Variants in TRIP12 observed in about 807,000 individuals in gnomAD.
The protein encoded by TRIP12 is E3 ubiquitin-protein ligase TRIP12.
TRIP12 carries 25 observed loss-of-function variants against 244.2 expected under a neutral mutation model. The ratio of observed to expected loss-of-function variants is 0.10; its 90% CI spans 0.07 to 0.14. The LOEUF (loss-of-function observed/expected upper bound fraction) is 0.14, where lower values mean the gene tolerates loss of function less well. TRIP12 is among the 10% of genes least tolerant of loss of function. The pLI is 1.00. For missense variants in TRIP12, 1,677 were observed against 2,486.4 expected (o/e 0.67, Z 6.92); for synonymous variants, 905 against 873.1 (o/e 1.04, Z -0.64).
At chr2:229,833,640 G>A (rs576428287) in intron 6 of TRIP12, among the ~76,000 whole-genome samples, 1 of 152,236 alleles carries the variant, frequency 6.6e-6, no homozygotes, top group African/African-American at 2.4e-5. Context: ...GAAACTAATT[G>A]TGAAGAAAAG....
At position 229,860,484 on chromosome 2, in the gene TRIP12, C is replaced by T. The variant is rs1256097319; in HGVS notation, c.146G>A (p.Ser49Asn). The change falls in exon 3 of 42, where the codon AGT becomes AAT. Residue 49 changes from serine to asparagine, a missense_variant. Coordinates refer to ENST00000675903, the MANE Select transcript of TRIP12 (RefSeq NM_001348323.3). ...AKHKGYSPPESRKSNSKAPKV... is the reference protein window; with the variant it reads ...AKHKGYSPPENRKSNSKAPKV... ...GGGTGCCTTAGAATTAGATTTTCTA[C>T]TCTCAGGAGGGCTATATCCCTTATG... is the stretch of plus-strand genomic sequence containing the variant. The T allele has an allele frequency of 6.2e-7, 1 of 1,612,060 alleles. No individual in the cohort carries two copies. The highest frequency in any genetic ancestry group is 1.7e-5 in the Admixed American group (1 of 59,980).
Position 229,814,245 on chromosome 2 carries a change from G to C in TRIP12, c.1812C>G (p.Ala604=), listed in dbSNP as rs2047965904. The C allele has an allele frequency of 3.1e-6, 5 of 1,614,114 alleles. No homozygotes were observed. The highest frequency in any genetic ancestry group is 4.2e-6 in the Non-Finnish European group (5 of 1,179,988). Reference sequence around the variant, plus strand: ...TAACAACACTTACCGCCTGTAGAATGGCTTTACTATGTCTCCGTGACAACA... The same window carrying C: ...TAACAACACTTACCGCCTGTAGAATCGCTTTACTATGTCTCCGTGACAACA... ...LEMLSRRHSK[A]ILQAGGLADC... Residue 604 remains alanine (A), a synonymous_variant, in exon 12 of 42, where the codon GCC becomes GCG. Coordinates refer to ENST00000675903, the MANE Select transcript of TRIP12 (RefSeq NM_001348323.3).
chr2:229,851,345 T>C (rs2058667597), intron 4 of TRIP12, among the ~76,000 whole-genome samples: 1 of 152,094 alleles, frequency 6.6e-6, no homozygotes, highest in South Asian at 2.1e-4. Context: ...GGTGGAGCCT[T>C]GGAGAACCTT....
At chr2:229,914,910 A>G (rs1404682990) in intron 1 of TRIP12, among the ~76,000 whole-genome samples, 1 of 152,170 alleles carries the variant, frequency 6.6e-6, no homozygotes, top group Non-Finnish European at 1.5e-5. Flanking sequence ...AATAAACTAC[A>G]ATGATGTATA....
At position 229,814,253 on chromosome 2, in the gene TRIP12, T is replaced by C; in HGVS notation, c.1804A>G (p.Ser602Gly). The C allele has an allele frequency of 6.2e-7, 1 of 1,614,158 alleles. No homozygotes were observed. Among genetic ancestry groups the C allele is most frequent in the South Asian group, 1.1e-5 (1 of 91,084 alleles). The change falls in exon 12 of 42, where the codon AGT (serine) becomes GGT (glycine). Residue 602 changes from serine to glycine, a missense_variant. Around this residue, in one of 11 missense-constraint regions of TRIP12, gnomAD observed 572 missense variants for 867.8 expected, o/e 0.66. Transcript: ENST00000675903. ...TALEMLSRRH[S>G]KAILQAGGLA... The stretch of plus-strand genomic sequence containing the variant: ...CTTACCGCCTGTAGAATGGCTTTAC[T>C]ATGTCTCCGTGACAACATCTCCAAG...
chr2:229,864,047 A>AGAGAGAGAGAGAGAGGGTGTGT, intron 2 of TRIP12, among the ~76,000 whole-genome samples: 1 of 79,292 alleles, frequency 1.3e-5, no homozygotes, highest in Non-Finnish European at 2.5e-5. Flanking sequence ...AGAGAGAGAG[A>AGAGAGAGAGAGAGAGGGTGTGT]GTGTGTGTGT....
chr2:229,806,056 CA>C (rs2045801854), intron 17 of TRIP12, 173 bp from the exon 18 acceptor site: 1 of 491,428 alleles, frequency 2.0e-6, no homozygotes, highest in Non-Finnish European at 3.5e-6. Flanking sequence ...CTCATTCATT[CA>C]ACAAATCATT....
chr2:229,787,879 T>C (rs1359886117), intron 32 of TRIP12, among the ~76,000 whole-genome samples: 2 of 152,196 alleles, frequency 1.3e-5, no homozygotes, highest in African/African-American at 4.8e-5. Context: ...CTAGGCACAC[T>C]GCAACCGCCA....
Position 229,804,142 on chromosome 2 carries a change from T to C in TRIP12, c.2736A>G (p.Thr912=), listed in dbSNP as rs13018957. Residue 912 remains threonine, a synonymous_variant, in exon 19 of 42, where the codon ACA becomes ACG. Coordinates refer to ENST00000675903, the MANE Select transcript of TRIP12 (RefSeq NM_001348323.3). Reference sequence around the variant, plus strand: ...ACACTTCATAAAGAACACCAAATAATGTCTTAATAAAAGACTTAGCCAGTT... The same window carrying C: ...ACACTTCATAAAGAACACCAAATAACGTCTTAATAAAAGACTTAGCCAGTT... ...DPELAKSFIK[T]LFGVLYEVYS... 0.45 allele frequency: 732,959 copies of C among 1,613,630 alleles called. 170,561 individuals carry two copies. Among genetic ancestry groups the C allele is most frequent in the Middle Eastern group, 0.56 (3,373 of 6,062 alleles).
At chr2:229,810,824 T>C in intron 15 of TRIP12, 56 bp downstream of exon 15, 3 of 1,567,966 alleles carry the variant, frequency 1.9e-6, no homozygotes, top group Non-Finnish European at 2.6e-6. Context: ...TGACTTTACA[T>C]ATTAATGAAG....
chr2:229,792,279 A>C, intron 27 of TRIP12, 53 bp from the exon 28 acceptor site: 1 of 1,566,214 alleles, frequency 6.4e-7, no homozygotes, highest in Non-Finnish European at 8.7e-7. Flanking sequence ...TGTAAAAAAA[A>C]AAAAATCCTG....
chr2:229,868,095 G>T (rs537577), intron 2 of TRIP12, among the ~76,000 whole-genome samples: 148,944 of 152,334 alleles, frequency 0.98, 72,911 homozygotes, highest in Middle Eastern at 1. Flanking sequence ...CAGGCACACA[G>T]GTCTCCACAG....
At chr2:229,794,472 CAGAA>C (rs1354293764) in intron 26 of TRIP12, among the ~76,000 whole-genome samples, 1 of 151,998 alleles carries the variant, frequency 6.6e-6, no homozygotes, top group Non-Finnish European at 1.5e-5. Context: ...CAGGCTGAGG[CAGAA>C]AGATCTCTTC....
chr2:229,916,814 C>T (rs1266333828), intron 1 of TRIP12, among the ~76,000 whole-genome samples: 1 of 149,780 alleles, frequency 6.7e-6, no homozygotes, highest in Admixed American at 6.7e-5. Context: ...TATTAAAGAA[C>T]TACATTTTTA....
At chr2:229,818,329 A>T (rs1187377560) in intron 9 of TRIP12, 35 bp downstream of exon 9, 2 of 1,608,252 alleles carry the variant, frequency 1.2e-6, no homozygotes, top group Non-Finnish European at 1.7e-6. Context: ...CAGAGGACAA[A>T]TGAGGTAAAA....
chr2:229,920,141 C>T (rs1015470471), intron 1 of TRIP12, among the ~76,000 whole-genome samples: 5 of 152,146 alleles, frequency 3.3e-5, no homozygotes, highest in Non-Finnish European at 5.9e-5. Context: ...CAACTAGGAC[C>T]TTTGTTCTGA....
At chr2:229,906,724 C>CAAAAAAAAAAA (rs796721054) in intron 1 of TRIP12, among the ~76,000 whole-genome samples, 2 of 68,332 alleles carry the variant, frequency 2.9e-5, no homozygotes, top group African/African-American at 1.0e-4. Context: ...CACCTCAAAA[C>CAAAAAAAAAAA]AAAAAAAAAA....
chr2:229,907,624 G>A (rs1179624009), intron 1 of TRIP12, among the ~76,000 whole-genome samples: 1 of 152,122 alleles, frequency 6.6e-6, no homozygotes, highest in Non-Finnish European at 1.5e-5. Flanking sequence ...GGGCAACGTG[G>A]CAAGATTTCA....
intron 1 of TRIP12, among the ~76,000 whole-genome samples, chr2:229,914,462 G>A (rs2074989581): frequency 6.6e-6 from 1 of 152,196 alleles, no homozygotes; most frequent in Non-Finnish European, 1.5e-5. Context: ...ATCAAAAAAA[G>A]TAGGGGACAT....
Sources: allele counts gnomAD v4.1 joint callset (sites outside exome capture counted in the v4.1 genomes callset), GRCh38; gene constraint gnomAD v4.1.1; regional missense constraint gnomAD v4.1.1; transcripts MANE v1.5; gene names NCBI Gene and HGNC (gene_info 2026-07-23, HGNC 2026-07-21).